GPAT4: variants seen among roughly 807,000 people sequenced by gnomAD.
GPAT4 encodes 1-AGP acyltransferase 6.
In GPAT4, 17 loss-of-function variants were observed where a neutral mutation model predicts 58.0. The ratio of observed to expected loss-of-function variants is 0.29; its 90% CI spans 0.20 to 0.44. GPAT4 has a LOEUF of 0.44. Among genes scored for constraint, GPAT4 ranks in the 20% least tolerant of loss-of-function variants. The pLI is 1.00. For missense variants in GPAT4, 377 were observed against 574.5 expected (o/e 0.66, Z 3.51); for synonymous variants, 204 against 210.1 (o/e 0.97, Z 0.25).
intron 1 of GPAT4, among the ~76,000 whole-genome samples, chr8:41,589,487 G>A (rs1043850226): frequency 6.6e-6 from 1 of 152,136 alleles, no homozygotes; most frequent in Non-Finnish European, 1.5e-5. Flanking sequence ...GTATTTTAGG[G>A]TCTGTATCTG....
At chr8:41,595,833 T>C (rs1348836248) in intron 1 of GPAT4, among the ~76,000 whole-genome samples, 2 of 152,148 alleles carry the variant, frequency 1.3e-5, no homozygotes, top group Non-Finnish European at 2.9e-5. Flanking sequence ...TTTTCCTCTC[T>C]GTCTCTTTTC....
At chr8:41,594,699 C>T (rs1421438503) in intron 1 of GPAT4, among the ~76,000 whole-genome samples, 1 of 152,056 alleles carries the variant, frequency 6.6e-6, no homozygotes, top group East Asian at 1.9e-4. Context: ...GCGCCCGCCA[C>T]CACACCTGGC....
At chr8:41,608,367 G>T (rs1347118067) in intron 2 of GPAT4, among the ~76,000 whole-genome samples, 1 of 152,242 alleles carries the variant, frequency 6.6e-6, no homozygotes. Flanking sequence ...GTGCATAACC[G>T]TGGAAGCCGA....
rs554373306 is a variant in GPAT4 at position 41,578,286 on chromosome 8, G to A, written c.-849+8G>A. 6.6e-6 allele frequency: 1 copy of A among 151,776 alleles called. No individual in the cohort carries two copies. Among genetic ancestry groups the A allele is most frequent in the Admixed American group, 6.6e-5 (1 of 15,238 alleles). 9.4% of individuals were successfully genotyped at this position (151,776 alleles called of 1,614,324 possible). ...TGCCTAGCCTCGCGGTCGGTGAGTA[G>A]GAGGGAGCTGGCCCCTTACCTCAAA... On this transcript the variant is annotated splice_region_variant and intron_variant, in intron 1 of 12. Coordinates refer to ENST00000396987, the MANE Select transcript of GPAT4 (RefSeq NM_178819.4).
Position 41,622,764 on chromosome 8 carries a change from C to T in GPAT4, c.*1763C>T, listed in dbSNP as rs1205191365. 2.6e-5 allele frequency: 4 copies of T among 152,174 alleles called. No individual in the cohort carries two copies. Among genetic ancestry groups the T allele is most frequent in the African/African-American group, 9.7e-5 (4 of 41,426 alleles). 9.4% of individuals were successfully genotyped at this position (152,174 alleles called of 1,614,324 possible). On this transcript the variant is annotated 3_prime_UTR_variant, in exon 13 of 13. Transcript: ENST00000396987. ...TCCCATTTCCTCACCTGCCCTGTTG[C>T]CAGCCCGGGGGAAATCTTTTTGCTC...
At chr8:41,612,733 C>A in intron 7 of GPAT4, 112 bp from the exon 8 acceptor site, 3 of 899,396 alleles carry the variant, frequency 3.3e-6, no homozygotes, top group Non-Finnish European at 5.1e-6. Context: ...AGCCGGCAAG[C>A]GTTAGAAGTG....
intron 10 of GPAT4, among the ~76,000 whole-genome samples, chr8:41,615,906 C>T (rs1803583077): frequency 6.6e-6 from 1 of 152,216 alleles, no homozygotes; most frequent in African/African-American, 2.4e-5. Context: ...AGGTGTTGCT[C>T]CTGGTGAGGC....
At chr8:41,594,654 T>C (rs1802875509) in intron 1 of GPAT4, among the ~76,000 whole-genome samples, 1 of 151,718 alleles carries the variant, frequency 6.6e-6, no homozygotes, top group Non-Finnish European at 1.5e-5. Context: ...CACGCCATTC[T>C]CCTGCCTCAG....
rs1260864978 is a variant in GPAT4, at chr8:41,619,919, C to T, written c.1262+942C>T. 5.3e-5 allele frequency among the ~76,000 whole-genome samples: 8 copies of T among 152,290 alleles called. No individual in the cohort carries two copies. The East Asian group carries it at 9.7e-4, about 18-fold the overall frequency. On this transcript the variant is annotated intron_variant, in intron 12 of 12. Coordinates refer to ENST00000396987, the MANE Select transcript of GPAT4 (RefSeq NM_178819.4). ...TGGGGCCCTGTGTGATCGTCTCTTT[C>T]GCCCTCACAGTAGCCGCAGCGCTGT...
intron 2 of GPAT4, among the ~76,000 whole-genome samples, chr8:41,607,966 T>G (rs949514192): frequency 1.3e-5 from 2 of 152,210 alleles, no homozygotes; most frequent in Non-Finnish European, 2.9e-5. Context: ...CCTTTTCACC[T>G]CTTCTCTAGT....
chr8:41,582,070 G>A (rs1170126159), intron 1 of GPAT4, among the ~76,000 whole-genome samples: 3 of 139,588 alleles, frequency 2.1e-5, no homozygotes, highest in Non-Finnish European at 4.5e-5. Context: ...GTGCGGTGGC[G>A]AGATCTCGGC....
chr8:41,616,124 C>A (rs531443674), intron 10 of GPAT4, among the ~76,000 whole-genome samples: 39 of 152,182 alleles, frequency 2.6e-4, no homozygotes, highest in Admixed American at 1.2e-3. Context: ...GCATCTGCAT[C>A]CTGCATTCTG....
chr8:41,613,036 A>G lies in GPAT4; in HGVS notation c.911+76A>G. ...GGTTTCAGGGTAGTTATCCCTCCAC[A>G]GTGCAGTTACGTGCCTTCTATCATA... is the stretch of plus-strand genomic sequence containing the variant. On this transcript the variant is annotated intron_variant, in intron 8 of 12. Coordinates refer to ENST00000396987, the MANE Select transcript of GPAT4 (RefSeq NM_178819.4). 3 of 1,250,838 alleles carry G rather than the reference A, an allele frequency of 2.4e-6. No individual in the cohort carries two copies. The Admixed American group carries it at 6.3e-5, about 26-fold the overall frequency. The allele number at this position is 1,250,838 out of a possible 1,614,324, so 77.5% of individuals were successfully genotyped here. A position where few individuals can be genotyped will look rare whatever the true frequency, so the allele number is the denominator to read the frequency against.
At position 41,583,346 on chromosome 8, in the gene GPAT4, C is replaced by G. The variant is rs188582075; in HGVS notation, c.-849+5068C>G. On this transcript the variant is annotated intron_variant, in intron 1 of 12. Coordinates refer to ENST00000396987, the MANE Select transcript of GPAT4 (RefSeq NM_178819.4). ...TTTTTTTCTATCCATTAACCAAGCTCTCAACGTCCACCCTTCCCAGCTGCT... is the reference window on the plus strand; with the variant it reads ...TTTTTTTCTATCCATTAACCAAGCTGTCAACGTCCACCCTTCCCAGCTGCT... Among the ~76,000 whole-genome samples the G allele has an allele frequency of 2.5e-3, 378 of 151,962 alleles. 1 individual carries two copies. The highest frequency in any genetic ancestry group is 2.6e-3 in the Non-Finnish European group (179 of 67,976).
intron 1 of GPAT4, among the ~76,000 whole-genome samples, chr8:41,587,088 T>C (rs1311254818): frequency 6.6e-6 from 1 of 152,236 alleles, no homozygotes; most frequent in Non-Finnish European, 1.5e-5. Context: ...CTGTCCTGAT[T>C]CAGAATTACT....
intron 1 of GPAT4, among the ~76,000 whole-genome samples, chr8:41,583,919 CAG>C (rs574808106): frequency 2.6e-5 from 4 of 152,116 alleles, no homozygotes; most frequent in Admixed American, 1.3e-4. Context: ...TTTTTTAAGA[CAG>C]GGTCTTGCTC....
At chr8:41,618,201 TAA>T (rs1803648509) in intron 10 of GPAT4, among the ~76,000 whole-genome samples, 1 of 152,286 alleles carries the variant, frequency 6.6e-6, no homozygotes, top group East Asian at 1.9e-4. Context: ...AAATCATATT[TAA>T]AAGTTGGTGT....
At chr8:41,588,657 A>ATCAC (rs1401141927) in intron 1 of GPAT4, among the ~76,000 whole-genome samples, 1 of 152,214 alleles carries the variant, frequency 6.6e-6, no homozygotes, top group East Asian at 1.9e-4. Context: ...ACCGCTGAAC[A>ATCAC]ACAGCTAACA....
intron 10 of GPAT4, among the ~76,000 whole-genome samples, chr8:41,615,613 A>G (rs1306926088): frequency 6.6e-6 from 1 of 152,032 alleles, no homozygotes; most frequent in African/African-American, 2.4e-5. Context: ...CCCTTCAGAC[A>G]CCCAGAGCTA....
Sources: allele counts gnomAD v4.1 joint callset (sites outside exome capture counted in the v4.1 genomes callset), GRCh38; gene constraint gnomAD v4.1.1; transcripts MANE v1.5; gene names NCBI Gene and HGNC (gene_info 2026-07-23, HGNC 2026-07-21).